Variants in DMAC2 observed in about 807,000 individuals in gnomAD.
DMAC2 encodes the protein distal membrane-arm assembly complex protein 2.
A neutral mutation model predicts 29.6 loss-of-function variants in DMAC2; 32 were observed. That is an observed-to-expected ratio of 1.08 (90% CI 0.81 to 1.45). DMAC2 has a LOEUF of 1.45. DMAC2 is among the 40% of genes most tolerant of loss of function. DMAC2 has a pLI of 0.00. For missense variants in DMAC2, 319 were observed against 340.0 expected, an observed-to-expected ratio of 0.94 and a Z score of 0.49; for synonymous variants, 133 against 137.4, an observed-to-expected ratio of 0.97 and a Z score of 0.23.
intron 1 of DMAC2, 87 bp downstream of exon 1, chr19:41,439,795 G>A (rs2040060192): frequency 6.3e-7 from 1 of 1,595,482 alleles, no homozygotes; most frequent in African/African-American, 1.3e-5. Flanking sequence ...ACGGCTTTCT[G>A]CTCTCGTGGC....
In DMAC2 at chr19:41,432,135, TTG is replaced by T; in HGVS notation, c.*94_*95del. 1 of 1,401,044 alleles carries T rather than the reference TTG, an allele frequency of 7.1e-7. No individual in the cohort carries two copies. Among genetic ancestry groups the T allele is most frequent in the Non-Finnish European group, 9.8e-7 (1 of 1,016,204 alleles). The allele number at this position is 1,401,044 out of a possible 1,614,324, so 86.8% of individuals were successfully genotyped here. A position where few individuals can be genotyped will look rare whatever the true frequency, so the allele number is the denominator to read the frequency against. On this transcript the variant is annotated 3_prime_UTR_variant, in exon 6 of 6. Transcript: ENST00000221943. ...CCAGCACCACTCCCCCACCCTGACG[TTG>T]AGTGAAGACAAATGGAAGCCAGAAG...
At chr19:41,433,718 C>G in intron 3 of DMAC2, 45 bp from the exon 4 acceptor site, 1 of 1,612,684 alleles carries the variant, frequency 6.2e-7, no homozygotes, top group Non-Finnish European at 8.5e-7. Context: ...TGAACCTGCC[C>G]CAGGCCTCCA....
At chr19:41,432,674 G>GTGTGTGTGGGTGTA in intron 5 of DMAC2, 1 of 364,230 alleles carries the variant, frequency 2.7e-6, no homozygotes, top group Non-Finnish European at 4.9e-6. Flanking sequence ...GTGTGTGTGT[G>GTGTGTGTGGGTGTA]TGTATAGGGA....
At chr19:41,436,979 T>C (rs2039896376) in intron 2 of DMAC2, among the ~76,000 whole-genome samples, 1 of 152,174 alleles carries the variant, frequency 6.6e-6, no homozygotes, top group African/African-American at 2.4e-5. Flanking sequence ...AAGGGGCCAG[T>C]GGAGTCCTGA....
At chr19:41,433,816 G>A in intron 3 of DMAC2, 143 bp from the exon 4 acceptor site, 1 of 1,192,346 alleles carries the variant, frequency 8.4e-7, no homozygotes, top group Non-Finnish European at 1.2e-6. Context: ...GACTCCATCT[G>A]GCTGTGCGCA....
intron 5 of DMAC2, 42 bp from the exon 6 acceptor site, chr19:41,432,450 G>C: frequency 6.3e-7 from 1 of 1,594,274 alleles, no homozygotes; most frequent in Admixed American, 1.7e-5. Flanking sequence ...TGTAAGGACA[G>C]CATGTGTGTG....
chr19:41,432,242 C>T lies in DMAC2; in HGVS notation c.763G>A (p.Val255Ile), dbSNP rs782554050. The change falls in exon 6 of 6, where the codon GTC becomes ATC. Residue 255 changes from valine (V) to isoleucine (I), a missense_variant. Coordinates refer to ENST00000221943, the MANE Select transcript of DMAC2 (RefSeq NM_018035.3). Reference sequence around the variant, plus strand: ...GACAGGGCTAAAGGCTAGGCAGGGACAGGGCTGGCTGTGTCCCGAGGCTGC... The same window carrying T: ...GACAGGGCTAAAGGCTAGGCAGGGATAGGGCTGGCTGTGTCCCGAGGCTGC... ...EEQPRDTASP[V>I]PA The T allele has an allele frequency of 3.7e-6, 6 of 1,613,756 alleles. No individual in the cohort carries two copies. The East Asian group carries it at 1.3e-4, about 36-fold the overall frequency.
Position 41,433,257 on chromosome 19 carries a change from G to A in DMAC2, c.596+15C>T, listed in dbSNP as rs782551749. 1 of 1,601,718 alleles carries A rather than the reference G, an allele frequency of 6.2e-7. No individual in the cohort carries two copies. The highest frequency in any genetic ancestry group is 1.1e-5 in the South Asian group (1 of 90,406). On this transcript the variant is annotated intron_variant, in intron 5 of 5. Coordinates refer to ENST00000221943, the MANE Select transcript of DMAC2 (RefSeq NM_018035.3). ...GGTGCCTGGGCATGTGGCCCAGCCT[G>A]AGCTGAGGTCTCACTGGAGGTGGTG...
chr19:41,432,700 G>A (rs1555769616), intron 5 of DMAC2: 2 of 311,658 alleles, frequency 6.4e-6, no homozygotes, highest in African/African-American at 8.5e-5. Flanking sequence ...GCCAGTATAA[G>A]GACAGCGTGT....
chr19:41,437,249 A>G (rs1339521333), intron 2 of DMAC2, among the ~76,000 whole-genome samples: 3 of 151,570 alleles, frequency 2.0e-5, no homozygotes, highest in African/African-American at 7.3e-5. Flanking sequence ...AAAATAGAAA[A>G]ATTAGGTGTG....
intron 5 of DMAC2, 136 bp downstream of exon 5, chr19:41,433,135 TA>T: frequency 1.0e-6 from 1 of 963,406 alleles, no homozygotes; most frequent in Non-Finnish European, 1.5e-6. Context: ...TCATCTACCA[TA>T]AATACTCTAG....
In DMAC2 at chr19:41,432,307, C is replaced by G. The variant is rs782524437; in HGVS notation, c.698G>C (p.Gly233Ala). 4 of 1,614,186 alleles carry G rather than the reference C, an allele frequency of 2.5e-6. No homozygotes were observed. In the Admixed American group the frequency reaches 6.7e-5, roughly 27 times the overall value. ...EEMLPNCEVV[G>A]VDWAEGLKSG... ...CTTCAGGCCCTCAGCCCAGTCGACTCCCACAACCTCGCAATTGGGCAGCAT... is the reference window on the plus strand; with the variant it reads ...CTTCAGGCCCTCAGCCCAGTCGACTGCCACAACCTCGCAATTGGGCAGCAT... The change falls in exon 6 of 6, where the codon GGA (glycine) becomes GCA (alanine). Residue 233 changes from glycine to alanine, a missense_variant. Gly to Ala is a moderately conservative substitution (Grantham distance 60). Transcript: ENST00000221943.
At chr19:41,437,012 G>A (rs1266596747) in intron 2 of DMAC2, among the ~76,000 whole-genome samples, 1 of 152,220 alleles carries the variant, frequency 6.6e-6, no homozygotes, top group Non-Finnish European at 1.5e-5. Flanking sequence ...AAGCTCAGTA[G>A]GAGCTATGTT....
At position 41,432,706 on chromosome 19, in the gene DMAC2, C is replaced by CGTGT. The variant is rs72065187; in HGVS notation, c.597-302_597-299dup. 1,066 of 208,810 alleles carry CGTGT rather than the reference C, an allele frequency of 5.1e-3. 16 individuals carry two copies. Among genetic ancestry groups the CGTGT allele is most frequent in the African/African-American group, 0.017 (330 of 19,992 alleles). The allele number at this position is 208,810 out of a possible 1,614,324, so 12.9% of individuals were successfully genotyped here. ...GGGAGATAAGCCAGTATAAGGACAG[C>CGTGT]GTGTGTGTGTGTGTGTGTGTGTGTA... On this transcript the variant is annotated intron_variant, in intron 5 of 5. Transcript: ENST00000221943.
Position 41,433,319 on chromosome 19 carries a change from A to G in DMAC2, c.549T>C (p.Gly183=), listed in dbSNP as rs1367619346. Residue 183 remains glycine, a synonymous_variant, in exon 5 of 6, where the codon GGT becomes GGC. Transcript: ENST00000221943. ...ADSLQELSLA[G]CPRISERGLA... ...GGCCCCGTTCGGAGATGCGGGGGCA[A>G]CCGGCCAGCGAGAGCTCCTGCAACG... 2.5e-6 allele frequency: 4 copies of G among 1,611,514 alleles called. No homozygotes were observed. Among genetic ancestry groups the G allele is most frequent in the Non-Finnish European group, 3.4e-6 (4 of 1,179,872 alleles).
Position 41,434,234 on chromosome 19 carries a change from C to CAA in DMAC2, c.297-563_297-562dup, listed in dbSNP as rs376069477. Among the ~76,000 whole-genome samples the CAA allele has an allele frequency of 2.4e-3, 338 of 141,968 alleles. 1 individual carries two copies. Among genetic ancestry groups the CAA allele is most frequent in the African/African-American group, 8.4e-3 (327 of 38,812 alleles). 93.1% of individuals were successfully genotyped at this position (141,968 alleles called of 152,430 possible). A position where few individuals can be genotyped will look rare whatever the true frequency, so the allele number is the denominator to read the frequency against. On this transcript the variant is annotated intron_variant, in intron 3 of 5. Coordinates refer to ENST00000221943, the MANE Select transcript of DMAC2 (RefSeq NM_018035.3). ...TGGGTGACAGAGCGAGACTCCATCT[C>CAA]AAAAAAAAAACAAAAAAACAAAAAT... is the stretch of plus-strand genomic sequence containing the variant.
chr19:41,436,529 T>C (rs1389306190), intron 2 of DMAC2, 57 bp from the exon 3 acceptor site: 2 of 1,393,758 alleles, frequency 1.4e-6, no homozygotes, highest in Non-Finnish European at 2.0e-6. Context: ...GCCCTCACGA[T>C]GCCCCAGTGC....
intron 1 of DMAC2, chr19:41,439,647 C>G (rs1264961334): frequency 7.2e-7 from 1 of 1,397,400 alleles, no homozygotes; most frequent in Non-Finnish European, 9.7e-7. Context: ...CCATTGGATA[C>G]TCTCAGCCAA....
chr19:41,432,723 G>GTGTGTA, intron 5 of DMAC2: 1 of 430,452 alleles, frequency 2.3e-6, no homozygotes, highest in African/African-American at 2.2e-5. Context: ...GTGTGTGTGT[G>GTGTGTA]TGTGTGTAGG....
Sources: allele counts gnomAD v4.1 joint callset (sites outside exome capture counted in the v4.1 genomes callset), GRCh38; gene constraint gnomAD v4.1.1; transcripts MANE v1.5; gene names NCBI Gene and HGNC (gene_info 2026-07-23, HGNC 2026-07-21).